Variants in HDAC9 observed in about 807,000 individuals in gnomAD.
The protein encoded by HDAC9 is MEF-2 interacting transcription repressor (MITR) protein.
Under a neutral mutation model 139.4 loss-of-function variants are expected in HDAC9, and 41 were observed. The ratio of observed to expected loss-of-function variants is 0.29; its 90% CI spans 0.23 to 0.38. HDAC9 has a LOEUF of 0.38. Among genes scored for constraint, HDAC9 ranks in the 10% least tolerant of loss-of-function variants. The pLI is 1.00. For synonymous variants in HDAC9, 517 were observed against 476.2 expected, an observed-to-expected ratio of 1.09 and a Z score of -1.12; for missense variants, 1,147 against 1,297.0, an observed-to-expected ratio of 0.88 and a Z score of 1.78.
chr7:18,964,543 G>T (rs1488659968), intron 24 of HDAC9, among the ~76,000 whole-genome samples: 1 of 152,136 alleles, frequency 6.6e-6, no homozygotes, highest in Non-Finnish European at 1.5e-5. Flanking sequence ...AAAAGTAAGA[G>T]TATATTACTC....
intron 6 of HDAC9, among the ~76,000 whole-genome samples, chr7:18,604,050 T>C (rs182063682): frequency 3.3e-4 from 50 of 152,218 alleles, no homozygotes; most frequent in Admixed American, 1.2e-3. Flanking sequence ...GAAGATCTCT[T>C]TATCTTTTAT....
intron 1 of HDAC9, among the ~76,000 whole-genome samples, chr7:18,439,511 A>G (rs1202159587): frequency 6.6e-6 from 1 of 152,114 alleles, no homozygotes; most frequent in Non-Finnish European, 1.5e-5. Context: ...CATCCTGTGC[A>G]CCGATAATGC....
At chr7:18,587,745 C>T (rs1464467390) in intron 3 of HDAC9, among the ~76,000 whole-genome samples, 1 of 152,110 alleles carries the variant, frequency 6.6e-6, no homozygotes, top group East Asian at 1.9e-4. Flanking sequence ...CTTAAGTTGC[C>T]CTGCCTCTCT....
At chr7:18,307,901 A>T (rs1799037357) in intron 1 of HDAC9, among the ~76,000 whole-genome samples, 1 of 152,232 alleles carries the variant, frequency 6.6e-6, no homozygotes, top group South Asian at 2.1e-4. Context: ...AAAACAGCCG[A>T]TGTCACTAAC....
chr7:18,885,403 G>C (rs559092298), intron 22 of HDAC9, among the ~76,000 whole-genome samples: 1 of 152,178 alleles, frequency 6.6e-6, no homozygotes, highest in Non-Finnish European at 1.5e-5. Context: ...ATCTTATTTT[G>C]TTTTTATGAT....
intron 2 of HDAC9, among the ~76,000 whole-genome samples, chr7:18,264,444 G>C (rs1795877802): frequency 6.6e-6 from 1 of 151,986 alleles, no homozygotes; most frequent in South Asian, 2.1e-4. Flanking sequence ...ACAAAGCAGG[G>C]TAAACATACA....
intron 1 of HDAC9, among the ~76,000 whole-genome samples, chr7:18,130,914 A>G (rs528512400): frequency 2.6e-5 from 4 of 152,202 alleles, no homozygotes; most frequent in Non-Finnish European, 4.4e-5. Context: ...ACCATTAGCA[A>G]TGTCCAAACT....
chr7:18,103,114 G>C (rs779040977), intron 1 of HDAC9, among the ~76,000 whole-genome samples: 4 of 152,138 alleles, frequency 2.6e-5, no homozygotes, highest in Non-Finnish European at 5.9e-5. Context: ...ATAGTGGCAG[G>C]CAAGAGAGCT....
chr7:18,806,778 C>T (rs762072221), intron 17 of HDAC9, among the ~76,000 whole-genome samples: 6 of 152,056 alleles, frequency 3.9e-5, no homozygotes, highest in African/African-American at 1.5e-4. Context: ...TGTTATATCA[C>T]GTTTATTGAA....
intron 1 of HDAC9, among the ~76,000 whole-genome samples, chr7:18,344,978 A>G (rs1303729970): frequency 6.6e-6 from 1 of 152,030 alleles, no homozygotes; most frequent in Non-Finnish European, 1.5e-5. Flanking sequence ...AGCTTGCATA[A>G]TCGGGATTTG....
At chr7:18,126,191 T>C (rs1784657659) in intron 1 of HDAC9, among the ~76,000 whole-genome samples, 1 of 152,226 alleles carries the variant, frequency 6.6e-6, no homozygotes, top group African/African-American at 2.4e-5. Flanking sequence ...TGTATTATTA[T>C]TATTTTAAAA....
chr7:18,247,764 GTCA>G (rs1794650587), intron 2 of HDAC9, among the ~76,000 whole-genome samples: 1 of 152,076 alleles, frequency 6.6e-6, no homozygotes, highest in Non-Finnish European at 1.5e-5. Flanking sequence ...GATGCTCTTT[GTCA>G]TCATTTAAAA....
At chr7:18,702,813 C>T (rs1156489548) in intron 12 of HDAC9, among the ~76,000 whole-genome samples, 4 of 152,180 alleles carry the variant, frequency 2.6e-5, no homozygotes, top group African/African-American at 7.2e-5. Flanking sequence ...ACCAACACTG[C>T]GGTTTTGTCT....
At chr7:18,099,446 C>G (rs1037898864) in intron 1 of HDAC9, among the ~76,000 whole-genome samples, 1 of 150,984 alleles carries the variant, frequency 6.6e-6, no homozygotes, top group Non-Finnish European at 1.5e-5. Context: ...CCAGCCTGGG[C>G]GACAGAGTGA....
At chr7:18,360,589 C>T (rs532464779) in intron 1 of HDAC9, among the ~76,000 whole-genome samples, 9 of 152,260 alleles carry the variant, frequency 5.9e-5, no homozygotes, top group East Asian at 1.9e-4. Context: ...AAATTCTTTT[C>T]ATCTTTCAAG....
intron 23 of HDAC9, among the ~76,000 whole-genome samples, chr7:18,947,374 A>G (rs1200990735): frequency 2.0e-5 from 3 of 151,980 alleles, no homozygotes; most frequent in African/African-American, 7.2e-5. Flanking sequence ...ACCAACAAAG[A>G]AAAAGCATGC....
At chr7:18,640,511 C>T (rs1486349138) in intron 8 of HDAC9, among the ~76,000 whole-genome samples, 1 of 151,322 alleles carries the variant, frequency 6.6e-6, no homozygotes. Context: ...TCCCTTCCTC[C>T]TTTTTTCCCT....
At chr7:18,635,149 A>T (rs1783496435) in intron 8 of HDAC9, among the ~76,000 whole-genome samples, 1 of 151,862 alleles carries the variant, frequency 6.6e-6, no homozygotes, top group South Asian at 2.1e-4. Flanking sequence ...GTAACTTACT[A>T]GTCCCTCTGC....
At chr7:18,888,440 A>G (rs560443470) in intron 22 of HDAC9, among the ~76,000 whole-genome samples, 3 of 152,188 alleles carry the variant, frequency 2.0e-5, no homozygotes, top group East Asian at 1.9e-4. Context: ...ATAAAATAAA[A>G]TAAGAAATGA....
Sources: gnomAD v4.1 joint callset for allele counts (sites outside exome capture counted in the v4.1 genomes callset) on GRCh38, gnomAD v4.1.1 for gene constraint, MANE v1.5 for transcripts, NCBI Gene and HGNC (gene_info 2026-07-23, HGNC 2026-07-21) for gene names.